Variants in APPL2 observed in about 807,000 individuals in gnomAD.
The protein encoded by APPL2 is DCC-interacting protein 13-beta.
A neutral mutation model predicts 92.7 loss-of-function variants in APPL2; 84 were observed. The ratio of observed to expected loss-of-function variants is 0.91; its 90% CI spans 0.76 to 1.09. APPL2 has a LOEUF of 1.09. Ranked by LOEUF, APPL2 falls within the 50% of genes least tolerant of loss-of-function variation. The pLI, the probability that APPL2 is intolerant of heterozygous loss-of-function variation, is 0.00. For synonymous variants in APPL2, 291 were observed against 291.0 expected, an observed-to-expected ratio of 1.00 and a Z score of 0.00; for missense variants, 736 against 824.5, an observed-to-expected ratio of 0.89 and a Z score of 1.31.
At chr12:105,177,362 T>C (rs1885654363) in intron 17 of APPL2, 100 bp from the exon 18 acceptor site, 3 of 1,288,404 alleles carry the variant, frequency 2.3e-6, no homozygotes, top group South Asian at 1.2e-5. Context: ...TTCCCCGAAA[T>C]AGAGATAAAG....
At chr12:105,225,527 T>G (rs1423313361) in intron 2 of APPL2, among the ~76,000 whole-genome samples, 1 of 152,252 alleles carries the variant, frequency 6.6e-6, no homozygotes, top group Non-Finnish European at 1.5e-5. Flanking sequence ...ACTGAATATA[T>G]ATGCATATGC....
Position 105,203,714 on chromosome 12 carries a change from G to A in APPL2, c.693C>T (p.Asp231=), listed in dbSNP as rs1337142855. The part of the protein sequence containing the change: ...RMDSFLSSVA[D]MVQSIQVELE... ...GAGTGCAGCATTACCTTTGAACCAT[G>A]TCTGCAACGGAGGATAAAAAGCTGT... The change falls in exon 9 of 21, where the codon GAC becomes GAT. Residue 231 remains aspartate, a synonymous_variant. Transcript: ENST00000258530. The A allele has an allele frequency of 5.6e-6, 9 of 1,614,040 alleles. No individual in the cohort carries two copies. Among genetic ancestry groups the A allele is most frequent in the Non-Finnish European group, 6.8e-6 (8 of 1,179,978 alleles).
chr12:105,197,805 G>C lies in APPL2; in HGVS notation c.1012C>G (p.Arg338Gly). ...GTGGTGATCTGGAAGCAGTAGCGCC[G>C]GTCTTCGCAATCCACGGCCATCACT... ...CSVMAVDCED[R>G]RYCFQITTPN... Residue 338 changes from arginine to glycine, a missense_variant, in exon 11 of 21, where the codon CGG becomes GGG. Coordinates refer to ENST00000258530, the MANE Select transcript of APPL2 (RefSeq NM_018171.5). 6.2e-7 allele frequency: 1 copy of C among 1,614,146 alleles called. No homozygotes were observed. Among genetic ancestry groups the C allele is most frequent in the Non-Finnish European group, 8.5e-7 (1 of 1,180,034 alleles).
intron 14 of APPL2, among the ~76,000 whole-genome samples, chr12:105,192,432 A>G (rs192246102): frequency 1.3e-5 from 2 of 151,956 alleles, no homozygotes; most frequent in East Asian, 3.9e-4. Flanking sequence ...AGCTCCCCAC[A>G]TGCTTCCTTC....
chr12:105,186,135 T>G (rs1038274237), intron 17 of APPL2, among the ~76,000 whole-genome samples: 16 of 152,196 alleles, frequency 1.1e-4, no homozygotes, highest in Non-Finnish European at 2.4e-4. Context: ...CCAAATAGTA[T>G]TCCATCATAT....
chr12:105,216,339 G>C (rs1389778655), intron 4 of APPL2, among the ~76,000 whole-genome samples: 1 of 151,800 alleles, frequency 6.6e-6, no homozygotes, highest in Non-Finnish European at 1.5e-5. Context: ...AAAGCAAGAG[G>C]CCATCCCTAC....
chr12:105,199,532 C>T lies in APPL2; in HGVS notation c.705-1G>A. 5 of 1,613,224 alleles carry T rather than the reference C, an allele frequency of 3.1e-6. No homozygotes were observed. Among genetic ancestry groups the T allele is most frequent in the Admixed American group, 1.7e-5 (1 of 59,958 alleles). On this transcript the variant is annotated splice_acceptor_variant, in intron 9 of 20. Coordinates refer to ENST00000258530, the MANE Select transcript of APPL2 (RefSeq NM_018171.5). LOFTEE classifies it high-confidence loss of function. ...CTCGGCTTCCAGTTCTACCTGAATG[C>T]TTAAGACAGAAGGTGTTGGGTCAGT...
rs553916404 is a variant in APPL2, at chr12:105,226,453, C to A, written c.153+2672G>T. ...CTGCGCATTAAAAGCTGGGTTACAG[C>A]CTCTAGGAAGGAAAGACCCACTTAA... On this transcript the variant is annotated intron_variant, in intron 2 of 20. Transcript: ENST00000258530. 2.0e-5 allele frequency among the ~76,000 whole-genome samples: 3 copies of A among 152,294 alleles called. No homozygotes were observed. In the South Asian group the frequency reaches 6.2e-4, roughly 32 times the overall value.
chr12:105,209,617 T>C lies in APPL2; in HGVS notation c.374-1418A>G, dbSNP rs531763507. Reference sequence around the variant, plus strand: ...CTTGGAGTTTGTTTTTAAAATGACATCCCGTTCACTTCTAATGATTTTATT... The same window carrying C: ...CTTGGAGTTTGTTTTTAAAATGACACCCCGTTCACTTCTAATGATTTTATT... On this transcript the variant is annotated intron_variant, in intron 5 of 20. Coordinates refer to ENST00000258530, the MANE Select transcript of APPL2 (RefSeq NM_018171.5). Among the ~76,000 whole-genome samples the C allele has an allele frequency of 2.6e-5, 4 of 152,272 alleles. No individual in the cohort carries two copies. The East Asian group carries it at 7.7e-4, about 29-fold the overall frequency.
intron 2 of APPL2, among the ~76,000 whole-genome samples, chr12:105,227,330 T>C (rs564413742): frequency 1.1e-4 from 17 of 152,278 alleles, no homozygotes; most frequent in African/African-American, 4.1e-4. Flanking sequence ...CCTTACTGCA[T>C]AGTTTGCCTA....
At position 105,174,294 on chromosome 12, in the gene APPL2, C is replaced by T. The variant is rs765655119; in HGVS notation, c.*20G>A. On this transcript the variant is annotated 3_prime_UTR_variant, in exon 21 of 21. Coordinates refer to ENST00000258530, the MANE Select transcript of APPL2 (RefSeq NM_018171.5). ...GTAGCTCTCCTTCCTGTTTGCTCTTCCCCCACAGGCGCAAGTGAGTTATGC... is the reference window on the plus strand; with the variant it reads ...GTAGCTCTCCTTCCTGTTTGCTCTTTCCCCACAGGCGCAAGTGAGTTATGC... 1 of 1,611,944 alleles carries T rather than the reference C, an allele frequency of 6.2e-7. No individual in the cohort carries two copies. Among genetic ancestry groups the T allele is most frequent in the Non-Finnish European group, 8.5e-7 (1 of 1,178,998 alleles).
At chr12:105,192,986 A>C (rs1183826129) in intron 14 of APPL2, among the ~76,000 whole-genome samples, 2 of 152,088 alleles carry the variant, frequency 1.3e-5, no homozygotes, top group East Asian at 3.9e-4. Context: ...TCATCAAAAC[A>C]TTGCTTTATT....
intron 5 of APPL2, among the ~76,000 whole-genome samples, chr12:105,209,666 G>A (rs1232852038): frequency 6.6e-6 from 1 of 152,160 alleles, no homozygotes; most frequent in East Asian, 1.9e-4. Flanking sequence ...TCAAAAAAAT[G>A]CACCCACTAA....
chr12:105,179,715 C>T (rs895991807), intron 17 of APPL2, among the ~76,000 whole-genome samples: 1 of 152,212 alleles, frequency 6.6e-6, no homozygotes, highest in African/African-American at 2.4e-5. Context: ...TTTTGATTTG[C>T]ATTTCTCTAA....
At position 105,207,967 on chromosome 12, in the gene APPL2, T is replaced by G. The variant is rs749931344; in HGVS notation, c.474+4A>C. 4 of 1,611,572 alleles carry G rather than the reference T, an allele frequency of 2.5e-6. No individual in the cohort carries two copies. In the South Asian group the frequency reaches 4.4e-5, roughly 18 times the overall value. On this transcript the variant is annotated splice_donor_region_variant and intron_variant, in intron 7 of 20. Transcript: ENST00000258530. ...GTGAAAAACAACATGTAAAGTATTC[T>G]TACCTTCTCATTCTCCTTTTTCTTA...
chr12:105,181,892 G>A (rs1277917825), intron 17 of APPL2, among the ~76,000 whole-genome samples: 2 of 151,996 alleles, frequency 1.3e-5, no homozygotes, highest in African/African-American at 2.4e-5. Context: ...TATCAATTTT[G>A]TTAATCTTTT....
Position 105,217,061 on chromosome 12 carries a change from T to C in APPL2, c.285+8A>G. On this transcript the variant is annotated splice_region_variant and intron_variant, in intron 4 of 20. Transcript: ENST00000258530. Reference sequence around the variant, plus strand: ...ATCAAATACAAATTTTCTATGTTGCTATCTTACCTCATCCACCACTTTGGA... The same window carrying C: ...ATCAAATACAAATTTTCTATGTTGCCATCTTACCTCATCCACCACTTTGGA... The C allele has an allele frequency of 1.3e-6, 2 of 1,584,374 alleles. No individual in the cohort carries two copies. Among genetic ancestry groups the C allele is most frequent in the Non-Finnish European group, 1.7e-6 (2 of 1,159,864 alleles).
At chr12:105,233,392 A>G in intron 1 of APPL2, 1 of 985,480 alleles carries the variant, frequency 1.0e-6, no homozygotes, top group Non-Finnish European at 1.2e-6. Context: ...GTATGCACAC[A>G]GACTAGTTTT....
Position 105,178,615 on chromosome 12 carries a change from T to C in APPL2, c.1635-1353A>G, listed in dbSNP as rs7978891. On this transcript the variant is annotated intron_variant, in intron 17 of 20. Coordinates refer to ENST00000258530, the MANE Select transcript of APPL2 (RefSeq NM_018171.5). ...TACACTTATTAAACCGTAAGACTTA[T>C]AATCAGAGAACTCGAGATTGAGTTC... is the stretch of plus-strand genomic sequence containing the variant. 3.1e-3 allele frequency among the ~76,000 whole-genome samples: 475 copies of C among 152,268 alleles called. 9 individuals are homozygous for C. In the East Asian group the frequency reaches 0.055, roughly 18 times the overall value.
Sources: allele counts gnomAD v4.1 joint callset (sites outside exome capture counted in the v4.1 genomes callset), GRCh38; gene constraint gnomAD v4.1.1; transcripts MANE v1.5; gene names NCBI Gene and HGNC (gene_info 2026-07-23, HGNC 2026-07-21).